The following PDE7B variants were observed in gnomAD, a reference collection of about 807,000 sequenced individuals.
The protein encoded by PDE7B is phosphodiesterase 7B.
In PDE7B, 29 loss-of-function variants were observed where a neutral mutation model predicts 56.2. The observed-to-expected ratio is 0.52, with a 90% CI of 0.38 to 0.70. The LOEUF is 0.70. Among genes scored for constraint, PDE7B ranks in the 30% least tolerant of loss-of-function variants. The pLI is 0.00. For synonymous variants in PDE7B, 197 were observed against 196.9 expected (o/e 1.00, Z 0.00); for missense variants, 490 against 565.0 (o/e 0.87, Z 1.35).
intron 1 of PDE7B, among the ~76,000 whole-genome samples, chr6:135,877,758 A>C (rs9376162): frequency 4.7e-4 from 65 of 136,842 alleles, no homozygotes; most frequent in Admixed American, 1.8e-3. Flanking sequence ...AAAACAAAAA[A>C]AAAAAAAAAG....
At chr6:135,994,918 CAT>C (rs1775538259) in intron 2 of PDE7B, among the ~76,000 whole-genome samples, 1 of 152,140 alleles carries the variant, frequency 6.6e-6, no homozygotes, top group African/African-American at 2.4e-5. Context: ...CAGAGTTAGT[CAT>C]AGTCATAGGG....
At chr6:135,938,362 T>C (rs1447079327) in intron 1 of PDE7B, among the ~76,000 whole-genome samples, 1 of 152,182 alleles carries the variant, frequency 6.6e-6, no homozygotes, top group Non-Finnish European at 1.5e-5. Context: ...AAAGATGAAA[T>C]AGCATTGCAA....
At chr6:135,930,344 C>A (rs1465824364) in intron 1 of PDE7B, among the ~76,000 whole-genome samples, 1 of 152,118 alleles carries the variant, frequency 6.6e-6, no homozygotes, top group Non-Finnish European at 1.5e-5. Flanking sequence ...ATGGGAGCTA[C>A]AAAATGAGAT....
intron 6 of PDE7B, among the ~76,000 whole-genome samples, chr6:136,153,427 A>C (rs1160810712): frequency 6.6e-6 from 1 of 152,198 alleles, no homozygotes; most frequent in Non-Finnish European, 1.5e-5. Context: ...AAAGCAAACC[A>C]AAATCGCCTT....
intron 1 of PDE7B, among the ~76,000 whole-genome samples, chr6:135,881,670 G>T (rs1000105226): frequency 1.3e-5 from 2 of 152,174 alleles, no homozygotes; most frequent in Non-Finnish European, 2.9e-5. Context: ...CCAGGCCAAA[G>T]TGTACTGTAG....
intron 1 of PDE7B, among the ~76,000 whole-genome samples, chr6:135,942,279 ATAT>A (rs932778979): frequency 5.9e-5 from 9 of 152,208 alleles, no homozygotes; most frequent in African/African-American, 1.2e-4. Flanking sequence ...TTGCTAGAAC[ATAT>A]TATTTAGTTC....
At chr6:135,970,307 G>A (rs796458246) in intron 2 of PDE7B, among the ~76,000 whole-genome samples, 4 of 152,168 alleles carry the variant, frequency 2.6e-5, no homozygotes, top group African/African-American at 9.6e-5. Flanking sequence ...TTGTGGAGAG[G>A]CTGGTCTAAG....
intron 2 of PDE7B, among the ~76,000 whole-genome samples, chr6:136,050,577 C>T (rs1776606472): frequency 6.6e-6 from 1 of 152,020 alleles, no homozygotes; most frequent in Non-Finnish European, 1.5e-5. Flanking sequence ...GCATTGTTGC[C>T]TGGAGGTAGA....
intron 2 of PDE7B, among the ~76,000 whole-genome samples, chr6:135,994,817 C>T (rs550076052): frequency 2.2e-4 from 33 of 152,252 alleles, no homozygotes; most frequent in African/African-American, 7.7e-4. Flanking sequence ...ATTATATTAG[C>T]ATGTACTAAA....
intron 1 of PDE7B, among the ~76,000 whole-genome samples, chr6:135,889,750 A>ATTTTT (rs35311247): frequency 4.0e-5 from 3 of 74,830 alleles, no homozygotes; most frequent in African/African-American, 6.9e-5. Flanking sequence ...CGGTGCTACC[A>ATTTTT]TTTTTTTTTT....
At chr6:136,034,642 A>C (rs1052049883) in intron 2 of PDE7B, 1 of 152,566 alleles carries the variant, frequency 6.6e-6, no homozygotes, top group African/African-American at 2.4e-5. Context: ...CTGGTGAAGG[A>C]GGGGGGCTAA....
Position 136,191,864 on chromosome 6 carries a change from C to G in PDE7B, c.*24C>G. On this transcript the variant is annotated 3_prime_UTR_variant, in exon 13 of 13. Coordinates refer to ENST00000308191, the MANE Select transcript of PDE7B (RefSeq NM_018945.4). ...AGGGGCCGGCCCAACTTAGACGCGG[C>G]TCTCCTCCGGCAGGGCCCCCAGAGG... is the stretch of plus-strand genomic sequence containing the variant. 6.5e-7 allele frequency: 1 copy of G among 1,526,856 alleles called. No individual in the cohort carries two copies. Among genetic ancestry groups the G allele is most frequent in the Non-Finnish European group, 8.9e-7 (1 of 1,128,506 alleles). 94.6% of individuals were successfully genotyped at this position (1,526,856 alleles called of 1,614,324 possible).
At chr6:136,077,598 C>A (rs1378544612) in intron 2 of PDE7B, among the ~76,000 whole-genome samples, 10 of 152,054 alleles carry the variant, frequency 6.6e-5, no homozygotes, top group Non-Finnish European at 1.5e-4. Flanking sequence ...CCATGTGAAG[C>A]ACATACTTCA....
chr6:136,115,620 T>A (rs1027136512), intron 3 of PDE7B, among the ~76,000 whole-genome samples: 1 of 152,244 alleles, frequency 6.6e-6, no homozygotes, highest in African/African-American at 2.4e-5. Flanking sequence ...TGTTAACCTG[T>A]CTGACATCAT....
At chr6:135,954,741 T>C (rs1189120892) in intron 2 of PDE7B, among the ~76,000 whole-genome samples, 1 of 152,164 alleles carries the variant, frequency 6.6e-6, no homozygotes, top group Non-Finnish European at 1.5e-5. Context: ...TTTTTCACCT[T>C]GAGGGTTATG....
chr6:136,192,079 G>C lies in PDE7B; in HGVS notation c.*239G>C, dbSNP rs2128452934. 2 of 532,614 alleles carry C rather than the reference G, an allele frequency of 3.8e-6. No homozygotes were observed. Among genetic ancestry groups the C allele is most frequent in the South Asian group, 4.2e-5 (2 of 47,318 alleles). The allele number at this position is 532,614 out of a possible 1,614,324, so 33.0% of individuals were successfully genotyped here. ...AACTCCATTCAGTAACGTGGGAGCTGATCCCACGGGCAGGCTCTCCCTGCT... is the reference window on the plus strand; with the variant it reads ...AACTCCATTCAGTAACGTGGGAGCTCATCCCACGGGCAGGCTCTCCCTGCT... On this transcript the variant is annotated 3_prime_UTR_variant, in exon 13 of 13. Coordinates refer to ENST00000308191, the MANE Select transcript of PDE7B (RefSeq NM_018945.4).
chr6:136,034,470 A>G (rs1776293132), intron 2 of PDE7B: 1 of 152,214 alleles, frequency 6.6e-6, no homozygotes, highest in African/African-American at 2.4e-5. Flanking sequence ...TATTAAAAAG[A>G]AGAAACTTTT....
At chr6:135,876,711 T>G (rs1160711075) in intron 1 of PDE7B, among the ~76,000 whole-genome samples, 3 of 151,944 alleles carry the variant, frequency 2.0e-5, no homozygotes, top group Non-Finnish European at 2.9e-5. Flanking sequence ...TACAAAAAAT[T>G]AGCTGGTCAT....
In PDE7B at chr6:135,958,329, G is replaced by A. The variant is rs186173093; in HGVS notation, c.82+10805G>A. 1.4e-3 allele frequency among the ~76,000 whole-genome samples: 219 copies of A among 152,274 alleles called. 1 individual carries two copies. Among genetic ancestry groups the A allele is most frequent in the African/African-American group, 5.1e-3 (211 of 41,540 alleles). ...ATTCAAAACTTCTTGCTTTCAAGAT[G>A]AGTCCATCTAGGAATCTTTGTATAC... On this transcript the variant is annotated intron_variant, in intron 2 of 12. Transcript: ENST00000308191.
Sources: gnomAD v4.1 joint callset for allele counts (sites outside exome capture counted in the v4.1 genomes callset) on GRCh38, gnomAD v4.1.1 for gene constraint, MANE v1.5 for transcripts, NCBI Gene and HGNC (gene_info 2026-07-23, HGNC 2026-07-21) for gene names.